LHX3: variants seen among roughly 807,000 people sequenced by gnomAD.
LHX3 encodes the protein LIM/homeobox protein Lhx3.
A neutral mutation model predicts 32.4 loss-of-function variants in LHX3; 21 were observed. The ratio of observed to expected loss-of-function variants is 0.65; its 90% CI spans 0.46 to 0.93. The LOEUF is 0.93. Ranked by LOEUF, LHX3 falls within the 40% of genes least tolerant of loss-of-function variation. LHX3 has a pLI of 0.00. For missense variants in LHX3, 626 were observed against 560.0 expected (o/e 1.12, Z -1.19); for synonymous variants, 258 against 246.8 (o/e 1.05, Z -0.43).
chr9:136,200,762 A>C lies in LHX3; in HGVS notation c.80-9T>G, dbSNP rs760817295. 1 of 1,613,148 alleles carries C rather than the reference A, an allele frequency of 6.2e-7. No homozygotes were observed. Among genetic ancestry groups the C allele is most frequent in the African/African-American group, 1.3e-5 (1 of 74,920 alleles). ...AGCGCACAGCGGGATCTCTGTGGGC[A>C]CGAGGAAGTTCTGGGTCACCTCGTA... On this transcript the variant is annotated splice_polypyrimidine_tract_variant and intron_variant, in intron 1 of 5. Transcript: ENST00000371748.
At chr9:136,202,563 G>T (rs1450020968) in intron 1 of LHX3, among the ~76,000 whole-genome samples, 1 of 152,206 alleles carries the variant, frequency 6.6e-6, no homozygotes, top group Admixed American at 6.5e-5. Flanking sequence ...ACTCTGTTCC[G>T]CTGGAACGTG....
chr9:136,197,412 G>C lies in LHX3; in HGVS notation c.1107C>G (p.Asp369Glu). Residue 369 changes from aspartate (D) to glutamate (E), a missense_variant, in exon 6 of 6, where the codon GAC (aspartate) becomes GAG (glutamate). By Grantham distance (45) the Asp-to-Glu change is conservative. Transcript: ENST00000371748. ...AACCCCCGCTGCTCCCCGTGGATAG[G>C]TCAGAACTGGGTCCGTTCCCTGCCA... ...RVLAGNGPSS[D>E]LSTGSSGGYP... 6.2e-7 allele frequency: 1 copy of C among 1,607,968 alleles called. No individual in the cohort carries two copies. The highest frequency in any genetic ancestry group is 8.5e-7 in the Non-Finnish European group (1 of 1,178,116).
At chr9:136,202,786 C>A (rs888216779) in intron 1 of LHX3, among the ~76,000 whole-genome samples, 13 of 152,214 alleles carry the variant, frequency 8.5e-5, no homozygotes, top group African/African-American at 2.9e-4. Context: ...AGGGGCCCTG[C>A]AACAAATACA....
At chr9:136,200,873 C>T in intron 1 of LHX3, 120 bp from the exon 2 acceptor site, 1 of 1,169,646 alleles carries the variant, frequency 8.5e-7, no homozygotes, top group Non-Finnish European at 1.2e-6. Flanking sequence ...GCCGAGGGGT[C>T]CTCCTTTCCC....
At chr9:136,201,140 T>G in intron 1 of LHX3, 1 of 1,386,190 alleles carries the variant, frequency 7.2e-7, no homozygotes, top group Non-Finnish European at 9.3e-7. Flanking sequence ...GCAGGAAACA[T>G]AGGGAAACGG....
At chr9:136,198,515 G>A (rs1831548864) in intron 5 of LHX3, 137 bp downstream of exon 5, 2 of 1,048,936 alleles carry the variant, frequency 1.9e-6, no homozygotes, top group East Asian at 2.6e-5. Context: ...GGTTCTGTAA[G>A]TGAAATGCTT....
Position 136,197,833 on chromosome 9 carries a change from G to A in LHX3, c.776-90C>T, listed in dbSNP as rs7860634. 780,789 of 1,422,906 alleles carry A rather than the reference G, an allele frequency of 0.55. 216,647 individuals carry two copies. Among genetic ancestry groups the A allele is most frequent in the African/African-American group, 0.58 (41,428 of 71,220 alleles). 88.1% of individuals were successfully genotyped at this position (1,422,906 alleles called of 1,614,324 possible). ...CTGCAGGCGGAGGCACCCCTGGGTC[G>A]GAGAAAGAGTGGCTGCCCCACACCA... On this transcript the variant is annotated intron_variant, in intron 5 of 5. Transcript: ENST00000371748.
At chr9:136,198,052 C>T (rs1831540466) in intron 5 of LHX3, among the ~76,000 whole-genome samples, 1 of 152,196 alleles carries the variant, frequency 6.6e-6, no homozygotes, top group Non-Finnish European at 1.5e-5. Context: ...CCACCACCCA[C>T]ATTTTGCAGA....
chr9:136,197,411 G>T lies in LHX3; in HGVS notation c.1108C>A (p.Leu370Ile). The T allele has an allele frequency of 1.2e-6, 2 of 1,607,910 alleles. No homozygotes were observed. The highest frequency in any genetic ancestry group is 8.5e-7 in the Non-Finnish European group (1 of 1,178,076). ...TAACCCCCGCTGCTCCCCGTGGATA[G>T]GTCAGAACTGGGTCCGTTCCCTGCC... ...VLAGNGPSSD[L>I]STGSSGGYPD... The change falls in exon 6 of 6, where the codon CTA becomes ATA. Residue 370 changes from leucine to isoleucine, a missense_variant. By Grantham distance (5) the Leu-to-Ile change is conservative. Coordinates refer to ENST00000371748, the MANE Select transcript of LHX3 (RefSeq NM_178138.6).
intron 1 of LHX3, among the ~76,000 whole-genome samples, chr9:136,202,144 C>G (rs1226773776): frequency 6.6e-6 from 1 of 152,168 alleles, no homozygotes; most frequent in Admixed American, 6.5e-5. Context: ...AGTCCTCCTT[C>G]CTCCCTCCCT....
intron 1 of LHX3, among the ~76,000 whole-genome samples, chr9:136,204,531 G>A (rs918645292): frequency 1.3e-5 from 2 of 152,186 alleles, no homozygotes. Context: ...GTGATGGAAT[G>A]GCCCTTGGGG....
rs776642252 is a variant in LHX3, at chr9:136,200,764, G to A, written c.80-11C>T. On this transcript the variant is annotated splice_polypyrimidine_tract_variant and intron_variant, in intron 1 of 5. Coordinates refer to ENST00000371748, the MANE Select transcript of LHX3 (RefSeq NM_178138.6). ...CGCACAGCGGGATCTCTGTGGGCAC[G>A]AGGAAGTTCTGGGTCACCTCGTAGA... The A allele has an allele frequency of 6.2e-6, 10 of 1,613,084 alleles. No homozygotes were observed. The highest frequency in any genetic ancestry group is 2.2e-5 in the East Asian group (1 of 44,896).
intron 5 of LHX3, 108 bp downstream of exon 5, chr9:136,198,544 G>T: frequency 8.1e-7 from 1 of 1,227,488 alleles, no homozygotes; most frequent in Non-Finnish European, 1.1e-6. Flanking sequence ...AGAACTTAAG[G>T]AGTCCACTAA....
In LHX3 at chr9:136,199,690, C is replaced by T. The variant is rs536809093; in HGVS notation, c.442G>A (p.Ala148Thr). Residue 148 changes from alanine to threonine, a missense_variant, in exon 3 of 6, where the codon GCC (alanine) becomes ACC (threonine). Physicochemically the swap from Ala to Thr is moderately conservative, Grantham distance 58 (BLOSUM62 0). Coordinates refer to ENST00000371748, the MANE Select transcript of LHX3 (RefSeq NM_178138.6). The stretch of plus-strand genomic sequence containing the variant: ...CCCCTCGGCTGACCTCGCTGCTTGG[C>T]GGTTTCGTAGTCCGCCTTGCACACG... ...RLVCKADYET[A>T]KQREAEATAK... 1.2e-6 allele frequency: 2 copies of T among 1,612,862 alleles called. No individual in the cohort carries two copies. Among genetic ancestry groups the T allele is most frequent in the East Asian group, 2.2e-5 (1 of 44,868 alleles).
rs1413420072 is a variant in LHX3, at chr9:136,199,706, C to T, written c.426G>A (p.Lys142=). ...YLMEDSRLVC[K]ADYETAKQRE... ...GCTGCTTGGCGGTTTCGTAGTCCGC[C>T]TTGCACACGAGCCGGCTGTCCTCCA... Residue 142 remains lysine (K), a synonymous_variant, in exon 3 of 6, where the codon AAG becomes AAA. Coordinates refer to ENST00000371748, the MANE Select transcript of LHX3 (RefSeq NM_178138.6). The T allele has an allele frequency of 1.9e-6, 3 of 1,612,928 alleles. No homozygotes were observed. The highest frequency in any genetic ancestry group is 1.1e-5 in the South Asian group (1 of 91,074).
rs777355003 is a variant in LHX3 at position 136,197,415 on chromosome 9, A to G, written c.1104T>C (p.Ser368=). The change falls in exon 6 of 6, where the codon TCT becomes TCC. Residue 368 remains serine (S), a synonymous_variant. Coordinates refer to ENST00000371748, the MANE Select transcript of LHX3 (RefSeq NM_178138.6). ...CCCCGCTGCTCCCCGTGGATAGGTC[A>G]GAACTGGGTCCGTTCCCTGCCAGCA... ...MRVLAGNGPS[S]DLSTGSSGGY... is the part of the protein sequence containing the mutation. 21 of 1,607,250 alleles carry G rather than the reference A, an allele frequency of 1.3e-5. No individual in the cohort carries two copies. Among genetic ancestry groups the G allele is most frequent in the Non-Finnish European group, 1.7e-5 (20 of 1,177,892 alleles).
intron 1 of LHX3, 40 bp downstream of exon 1, chr9:136,204,894 C>T: frequency 6.5e-7 from 1 of 1,537,224 alleles, no homozygotes. Flanking sequence ...GCCTCTGCCG[C>T]CCTTGCCGTT....
chr9:136,204,826 C>A, intron 1 of LHX3, 108 bp downstream of exon 1: 1 of 900,866 alleles, frequency 1.1e-6, no homozygotes, highest in South Asian at 1.4e-5. Context: ...GTCCCGCCTG[C>A]AGAGCGGCGG....
chr9:136,197,247 C>T lies in LHX3; in HGVS notation c.*78G>A, dbSNP rs576354356. ...CCTTGACGCCCTGGCCCCACTTCCT[C>T]GGAAACCCCAGCAGCCCCGAGCCGC... On this transcript the variant is annotated 3_prime_UTR_variant, in exon 6 of 6. Coordinates refer to ENST00000371748, the MANE Select transcript of LHX3 (RefSeq NM_178138.6). 1.2e-5 allele frequency: 18 copies of T among 1,512,076 alleles called. No homozygotes were observed. Among genetic ancestry groups the T allele is most frequent in the South Asian group, 4.6e-5 (4 of 86,142 alleles). The allele number at this position is 1,512,076 out of a possible 1,614,324, so 93.7% of individuals were successfully genotyped here. A position where few individuals can be genotyped will look rare whatever the true frequency, so the allele number is the denominator to read the frequency against.
Sources: allele counts gnomAD v4.1 joint callset (sites outside exome capture counted in the v4.1 genomes callset), GRCh38; gene constraint gnomAD v4.1.1; transcripts MANE v1.5; gene names NCBI Gene and HGNC (gene_info 2026-07-23, HGNC 2026-07-21).